Variants in MYOCD observed in about 807,000 individuals in gnomAD.
The protein encoded by MYOCD is myocardin.
Under a neutral mutation model 96.1 loss-of-function variants are expected in MYOCD, and 32 were observed. The observed-to-expected ratio is 0.33, with a 90% confidence interval of 0.25 to 0.45. The LOEUF (loss-of-function observed/expected upper bound fraction) is 0.45. Ranked by LOEUF, MYOCD falls within the 20% of genes least tolerant of loss-of-function variation. The pLI, the probability that MYOCD is intolerant of heterozygous loss-of-function variation, is 1.00. For missense variants in MYOCD, 1,133 were observed against 1,200.6 expected (o/e 0.94, Z 0.83); for synonymous variants, 469 against 469.0 (o/e 1.00, Z 0.00).
intron 1 of MYOCD, among the ~76,000 whole-genome samples, chr17:12,693,759 A>G (rs997761884): frequency 1.3e-5 from 2 of 152,096 alleles, no homozygotes; most frequent in Non-Finnish European, 2.9e-5. Context: ...CTGGAACAAG[A>G]ATATTCAAAT....
In MYOCD at chr17:12,666,169, G is replaced by T. The variant is rs1909365757; in HGVS notation, c.-20G>T. The T allele has an allele frequency of 6.2e-7, 1 of 1,611,082 alleles. No individual in the cohort carries two copies. Among genetic ancestry groups the T allele is most frequent in the Non-Finnish European group, 8.5e-7 (1 of 1,177,772 alleles). ...CAGGGGGCGCCTGGCCAAGGGACCAGCGGCTTGCTGAGACTCAACATGACA... is the reference window on the plus strand; with the variant it reads ...CAGGGGGCGCCTGGCCAAGGGACCATCGGCTTGCTGAGACTCAACATGACA... On this transcript the variant is annotated 5_prime_UTR_variant, in exon 1 of 14. Transcript: ENST00000425538.
At chr17:12,693,152 A>G (rs577448210) in intron 1 of MYOCD, among the ~76,000 whole-genome samples, 2 of 152,260 alleles carry the variant, frequency 1.3e-5, no homozygotes, top group South Asian at 2.1e-4. Flanking sequence ...CACCTATTCT[A>G]TGATTATAGA....
chr17:12,690,728 G>A (rs981942611), intron 1 of MYOCD, among the ~76,000 whole-genome samples: 1 of 152,092 alleles, frequency 6.6e-6, no homozygotes, highest in African/African-American at 2.4e-5. Flanking sequence ...TAGTCTCCAG[G>A]AAGGGGACGA....
intron 7 of MYOCD, among the ~76,000 whole-genome samples, chr17:12,741,976 G>A (rs1036809992): frequency 1.3e-5 from 2 of 151,942 alleles, no homozygotes; most frequent in Admixed American, 6.6e-5. Flanking sequence ...TAAATGGTCC[G>A]ATTTCAGTAT....
chr17:12,766,001 C>A lies in MYOCD; in HGVS notation c.*2357C>A, dbSNP rs183069873. The A allele has an allele frequency of 6.6e-6, 1 of 152,266 alleles. No individual in the cohort carries two copies. The highest frequency in any genetic ancestry group is 6.5e-5 in the Admixed American group (1 of 15,296). The allele number at this position is 152,266 out of a possible 1,614,324, so 9.4% of individuals were successfully genotyped here. A position where few individuals can be genotyped will look rare whatever the true frequency, so the allele number is the denominator to read the frequency against. ...CAAAAAAATCCAGAAGAAAAAATTGCCAGTGTTTCCTTTGAAGATGAAGCT... is the reference window on the plus strand; with the variant it reads ...CAAAAAAATCCAGAAGAAAAAATTGACAGTGTTTCCTTTGAAGATGAAGCT... On this transcript the variant is annotated 3_prime_UTR_variant, in exon 14 of 14. Coordinates refer to ENST00000425538, the MANE Select transcript of MYOCD (RefSeq NM_001146312.3).
chr17:12,719,047 C>T (rs940092028), intron 4 of MYOCD, among the ~76,000 whole-genome samples: 88 of 151,484 alleles, frequency 5.8e-4, no homozygotes, highest in Non-Finnish European at 2.9e-4. Context: ...TGGTGGTGGG[C>T]GCCTGTAGTC....
chr17:12,722,674 T>C (rs910995585), intron 4 of MYOCD, among the ~76,000 whole-genome samples, 173 bp from the exon 5 acceptor site: 1 of 152,202 alleles, frequency 6.6e-6, no homozygotes, highest in Non-Finnish European at 1.5e-5. Flanking sequence ...TATTTGGAAG[T>C]GTCTAGGCTT....
chr17:12,736,725 A>G (rs60338854), intron 6 of MYOCD, among the ~76,000 whole-genome samples: 1 of 152,162 alleles, frequency 6.6e-6, no homozygotes, highest in Non-Finnish European at 1.5e-5. Flanking sequence ...CCATCTCTCT[A>G]TGCACTGAGG....
chr17:12,728,793 A>G (rs1170932505), intron 5 of MYOCD, among the ~76,000 whole-genome samples: 3 of 152,190 alleles, frequency 2.0e-5, no homozygotes, highest in African/African-American at 7.2e-5. Flanking sequence ...TTTTTAAAAA[A>G]AGAACCCGTG....
At chr17:12,732,016 T>C (rs1033164918) in intron 5 of MYOCD, among the ~76,000 whole-genome samples, 1 of 152,190 alleles carries the variant, frequency 6.6e-6, no homozygotes, top group Non-Finnish European at 1.5e-5. Context: ...TCTTGTGGCC[T>C]GGACAGCGAC....
At position 12,676,243 on chromosome 17, in the gene MYOCD, A is replaced by ACG. The variant is rs948975993; in HGVS notation, c.55+10002_55+10003dup. On this transcript the variant is annotated intron_variant, in intron 1 of 13. Coordinates refer to ENST00000425538, the MANE Select transcript of MYOCD (RefSeq NM_001146312.3). The stretch of plus-strand genomic sequence containing the variant: ...CTTAGCACCCTCCCCCTGCGCGCGC[A>ACG]CGCACACACACACACACACACACAC... Among the ~76,000 whole-genome samples the ACG allele has an allele frequency of 4.6e-3, 321 of 70,274 alleles. 2 individuals carry two copies. Among genetic ancestry groups the ACG allele is most frequent in the East Asian group, 0.041 (85 of 2,064 alleles). 46.1% of individuals were successfully genotyped at this position (70,274 alleles called of 152,430 possible). A position where few individuals can be genotyped will look rare whatever the true frequency, so the allele number is the denominator to read the frequency against.
intron 9 of MYOCD, among the ~76,000 whole-genome samples, chr17:12,747,969 C>T (rs2150714632): frequency 6.6e-6 from 1 of 150,994 alleles, no homozygotes; most frequent in Admixed American, 6.6e-5. Flanking sequence ...TCAAGACCAG[C>T]CTGACCAACA....
chr17:12,723,136 T>C, intron 5 of MYOCD, 128 bp downstream of exon 5: 1 of 865,124 alleles, frequency 1.2e-6, no homozygotes, highest in Non-Finnish European at 1.8e-6. Context: ...CATGGGTTGT[T>C]AGTCCAGTTA....
chr17:12,756,760 A>ATCTATGC, intron 11 of MYOCD, among the ~76,000 whole-genome samples: 1 of 151,402 alleles, frequency 6.6e-6, no homozygotes, highest in East Asian at 2.0e-4. Context: ...ACAATGACTG[A>ATCTATGC]TCTATGCTTA....
chr17:12,697,351 A>ATT (rs2030806220), intron 1 of MYOCD, among the ~76,000 whole-genome samples: 1 of 84,566 alleles, frequency 1.2e-5, no homozygotes, highest in African/African-American at 6.2e-5. Context: ...ATATATATAT[A>ATT]TATATATATT....
intron 7 of MYOCD, among the ~76,000 whole-genome samples, chr17:12,742,653 C>CTCCA (rs1170055971): frequency 2.0e-5 from 3 of 152,058 alleles, no homozygotes; most frequent in Admixed American, 6.5e-5. Context: ...TTACTGCAAC[C>CTCCA]TCCACCTCCT....
chr17:12,723,106 TC>T, intron 5 of MYOCD, 98 bp downstream of exon 5: 1 of 1,186,764 alleles, frequency 8.4e-7, no homozygotes, highest in Non-Finnish European at 1.2e-6. Flanking sequence ...TGAGGGCCTC[TC>T]ACCAGATAAG....
At chr17:12,721,683 GAT>G (rs1298288148) in intron 4 of MYOCD, among the ~76,000 whole-genome samples, 1 of 152,170 alleles carries the variant, frequency 6.6e-6, no homozygotes, top group Non-Finnish European at 1.5e-5. Flanking sequence ...TGGACTGAGA[GAT>G]GTGGATGGTG....
chr17:12,767,765 T>C lies in MYOCD; in HGVS notation c.*4121T>C, dbSNP rs568628637. The C allele has an allele frequency of 6.6e-6, 1 of 152,326 alleles. No individual in the cohort carries two copies. Among genetic ancestry groups the C allele is most frequent in the African/African-American group, 2.4e-5 (1 of 41,576 alleles). 9.4% of individuals were successfully genotyped at this position (152,326 alleles called of 1,614,324 possible). ...GGAGATCTTTTAATATCTCCCATCA[T>C]TTAAAACATCCACGAGAGTTTGAAG... On this transcript the variant is annotated 3_prime_UTR_variant, in exon 14 of 14. Coordinates refer to ENST00000425538, the MANE Select transcript of MYOCD (RefSeq NM_001146312.3).
Sources: gnomAD v4.1 joint callset for allele counts (sites outside exome capture counted in the v4.1 genomes callset) on GRCh38, gnomAD v4.1.1 for gene constraint, MANE v1.5 for transcripts, NCBI Gene and HGNC (gene_info 2026-07-23, HGNC 2026-07-21) for gene names.